The following CDKL4 variants were observed in gnomAD, a reference collection of about 807,000 sequenced individuals.
The protein encoded by CDKL4 is cyclin dependent kinase like 4, also known as cyclin-dependent kinase-like 4.
Under a neutral mutation model 42.0 loss-of-function variants are expected in CDKL4, and 44 were observed. That is an observed-to-expected ratio of 1.05 (90% confidence interval 0.82 to 1.35). CDKL4 has a LOEUF of 1.35. Among genes scored for constraint, CDKL4 ranks in the 40% most tolerant of loss-of-function variants. The pLI is 0.00. For missense variants in CDKL4, 393 were observed against 369.9 expected (o/e 1.06, Z -0.51); for synonymous variants, 120 against 121.6 (o/e 0.99, Z 0.09).
At chr2:39,237,438 G>C (rs1573034581) in intron 1 of CDKL4, among the ~76,000 whole-genome samples, 1 of 152,178 alleles carries the variant, frequency 6.6e-6, no homozygotes. Flanking sequence ...ATGAAAGATT[G>C]AATGTGTTAC....
At chr2:39,225,847 G>A in exon 3 of CDKL4, 3 of 1,599,678 alleles carry the variant, frequency 1.9e-6, no homozygotes, top group Non-Finnish European at 2.6e-6. Flanking sequence ...ACCCATTTGG[G>A]TTTCTTTCCA....
intron 2 of CDKL4, among the ~76,000 whole-genome samples, chr2:39,227,378 T>C (rs969136463): frequency 1.3e-5 from 2 of 152,220 alleles, no homozygotes; most frequent in African/African-American, 4.8e-5. Flanking sequence ...TCTACCTCAG[T>C]ATCTATTAAC....
rs1437325843 is a variant in CDKL4 at position 39,213,496 on chromosome 2, A to G, written c.291-24T>C. ...CTCTGAGGGAAAAAATAAAAAAGGA[A>G]ATGAAAACTCATAGGATAGAGTTCC... On this transcript the variant is annotated intron_variant, in intron 3 of 9. Coordinates refer to ENST00000451199, the Ensembl canonical transcript of CDKL4. 2.6e-6 allele frequency: 4 copies of G among 1,540,144 alleles called. No homozygotes were observed. In the Admixed American group the frequency reaches 6.7e-5, roughly 26 times the overall value.
chr2:39,174,329 G>A (rs1026841337), downstream of CDKL4, among the ~76,000 whole-genome samples: 1 of 151,868 alleles, frequency 6.6e-6, no homozygotes, highest in Non-Finnish European at 1.5e-5. Context: ...TAGCTGGGGA[G>A]GTGGAGGTTG....
exon 8 of CDKL4, chr2:39,184,597 G>A (rs998618284): frequency 1.9e-6 from 3 of 1,609,898 alleles, no homozygotes; most frequent in Non-Finnish European, 2.5e-6. Context: ...GTACCTTCAT[G>A]AAGTTCAGAG....
chr2:39,175,620 T>G (rs1675133066), downstream of CDKL4: 2 of 168,958 alleles, frequency 1.2e-5, no homozygotes, highest in Non-Finnish European at 2.6e-5. Context: ...TGAGGCAGGC[T>G]ATTTGATATT....
At chr2:39,180,291 TAA>T (rs1675361085) in intron 8 of CDKL4, among the ~76,000 whole-genome samples, 1 of 152,206 alleles carries the variant, frequency 6.6e-6, no homozygotes, top group Non-Finnish European at 1.5e-5. Context: ...CCTTCCATCA[TAA>T]GAGAGAAATA....
intron 3 of CDKL4, among the ~76,000 whole-genome samples, chr2:39,224,720 T>C (rs1396109431): frequency 6.6e-6 from 1 of 152,074 alleles, no homozygotes; most frequent in East Asian, 1.9e-4. Context: ...GCCAGGCTTG[T>C]CTAGAACACG....
intron 4 of CDKL4, among the ~76,000 whole-genome samples, chr2:39,207,900 G>A (rs771810231): frequency 1.3e-5 from 2 of 152,178 alleles, no homozygotes; most frequent in East Asian, 1.9e-4. Flanking sequence ...TCAGGAGTTC[G>A]AGACCAGCCT....
chr2:39,168,958 T>C, the CDKL4 span, among the ~76,000 whole-genome samples: 1 of 152,064 alleles, frequency 6.6e-6, no homozygotes, highest in East Asian at 2.0e-4. Flanking sequence ...GGTTTCACCA[T>C]GTTGGCCAGG....
chr2:39,213,728 T>G (rs535157471), intron 3 of CDKL4, among the ~76,000 whole-genome samples: 210 of 150,500 alleles, frequency 1.4e-3, no homozygotes, highest in Admixed American at 2.3e-3. Context: ...TATAGAAAAG[T>G]AAAGGAATAA....
chr2:39,178,916 G>C, intron 9 of CDKL4: 6 of 1,449,378 alleles, frequency 4.1e-6, no homozygotes, highest in Non-Finnish European at 5.4e-6. Flanking sequence ...ATACGATCTT[G>C]TGGGTGGGAT....
the CDKL4 span, among the ~76,000 whole-genome samples, chr2:39,168,006 C>G: frequency 1.3e-5 from 2 of 151,806 alleles, no homozygotes; most frequent in African/African-American, 4.8e-5. Flanking sequence ...TTAAAATAAG[C>G]TAAAGAACAT....
At chr2:39,214,961 A>G (rs562561020) in intron 3 of CDKL4, among the ~76,000 whole-genome samples, 1 of 152,330 alleles carries the variant, frequency 6.6e-6, no homozygotes, top group Non-Finnish European at 1.5e-5. Context: ...TAACATCTCC[A>G]TGAATTATAG....
intron 9 of CDKL4, among the ~76,000 whole-genome samples, chr2:39,177,092 A>C (rs1011986754): frequency 6.6e-6 from 1 of 152,100 alleles, no homozygotes; most frequent in Non-Finnish European, 1.5e-5. Flanking sequence ...TGTAAATGAG[A>C]TTCTCTAGGT....
chr2:39,229,361 T>G lies in CDKL4; in HGVS notation c.168+4A>C. The G allele has an allele frequency of 6.4e-7, 1 of 1,568,364 alleles. No individual in the cohort carries two copies. ...TATTTTACATATATATAAAGTTAACTTACCTTCAACATACGTATTTCTCTT... is the reference window on the plus strand; with the variant it reads ...TATTTTACATATATATAAAGTTAACGTACCTTCAACATACGTATTTCTCTT... On this transcript the variant is annotated splice_donor_region_variant and intron_variant, in intron 2 of 9. Coordinates refer to ENST00000451199, the Ensembl canonical transcript of CDKL4.
At chr2:39,191,002 C>T (rs1487532449) in intron 5 of CDKL4, among the ~76,000 whole-genome samples, 1 of 152,182 alleles carries the variant, frequency 6.6e-6, no homozygotes, top group Non-Finnish European at 1.5e-5. Flanking sequence ...TGAATCCTTA[C>T]AGGGATGCAG....
chr2:39,210,324 A>G (rs1177115411), intron 4 of CDKL4, among the ~76,000 whole-genome samples: 1 of 152,096 alleles, frequency 6.6e-6, no homozygotes, highest in African/African-American at 2.4e-5. Flanking sequence ...GAGGCCACAT[A>G]TTATCAGTCA....
downstream of CDKL4, among the ~76,000 whole-genome samples, chr2:39,175,337 C>A (rs1326822283): frequency 6.6e-6 from 1 of 152,196 alleles, no homozygotes; most frequent in Non-Finnish European, 1.5e-5. Flanking sequence ...ATGAGGATGG[C>A]AATTCCTTGT....
Sources: allele counts gnomAD v4.1 joint callset (sites outside exome capture counted in the v4.1 genomes callset), GRCh38; gene constraint gnomAD v4.1.1; transcripts MANE v1.5; gene names NCBI Gene and HGNC (gene_info 2026-07-23, HGNC 2026-07-21).